The following LRP1B variants were observed in gnomAD, a reference collection of about 807,000 sequenced individuals.
The protein encoded by LRP1B is low-density lipoprotein receptor-related protein 1B.
LRP1B carries 217 observed loss-of-function variants against 556.6 expected under a neutral mutation model. The ratio of observed to expected loss-of-function variants is 0.39; its 90% confidence interval spans 0.35 to 0.44. The LOEUF (loss-of-function observed/expected upper bound fraction) is 0.44, where lower values mean the gene tolerates loss of function less well. LRP1B is among the 20% of genes least tolerant of loss of function. The probability of loss-of-function intolerance (pLI) is 1.00; values close to 1 mark genes in which losing one functional copy is unlikely to be tolerated. For missense variants in LRP1B, 5,053 were observed against 5,620.8 expected (o/e 0.90, Z 3.23); for synonymous variants, 2,047 against 1,865.8 (o/e 1.10, Z -2.50).
rs372331256 is a variant in LRP1B at position 141,383,458 on chromosome 2, C to T, written c.343+96938G>A. Among the ~76,000 whole-genome samples the T allele has an allele frequency of 3.4e-3, 517 of 152,182 alleles. 3 individuals carry two copies. The highest frequency in any genetic ancestry group is 0.015 in the South Asian group (72 of 4,822). Reference sequence around the variant, plus strand: ...CACAATGGCCAGGTTATGGAAATAACGTAATTTTTCATCAATGGTTGAATG... The same window carrying T: ...CACAATGGCCAGGTTATGGAAATAATGTAATTTTTCATCAATGGTTGAATG... On this transcript the variant is annotated intron_variant, in intron 3 of 90. Transcript: ENST00000389484.
intron 1 of LRP1B, among the ~76,000 whole-genome samples, chr2:141,942,505 A>G (rs1480970327): frequency 6.7e-6 from 1 of 150,124 alleles, no homozygotes; most frequent in East Asian, 1.9e-4. Flanking sequence ...AAAACAAAAC[A>G]AAAAAAAAAA....
At chr2:141,832,676 T>G (rs1223832715) in intron 1 of LRP1B, among the ~76,000 whole-genome samples, 2 of 151,794 alleles carry the variant, frequency 1.3e-5, no homozygotes, top group Non-Finnish European at 3.0e-5. Flanking sequence ...ACTTATTGGA[T>G]GTAAATAATA....
chr2:141,039,139 G>A (rs973282455), intron 11 of LRP1B, among the ~76,000 whole-genome samples: 19 of 151,952 alleles, frequency 1.3e-4, no homozygotes, highest in Non-Finnish European at 2.4e-4. Context: ...TGCTTAGCAC[G>A]GGAATCATTC....
chr2:141,302,302 AC>A (rs1686426001), intron 3 of LRP1B, among the ~76,000 whole-genome samples: 1 of 152,138 alleles, frequency 6.6e-6, no homozygotes, highest in Non-Finnish European at 1.5e-5. Flanking sequence ...TGCAACTAGA[AC>A]ATTTGGCCAG....
chr2:140,468,633 GC>G (rs1481345032), intron 60 of LRP1B, among the ~76,000 whole-genome samples: 3 of 152,292 alleles, frequency 2.0e-5, no homozygotes, highest in African/African-American at 7.2e-5. Context: ...ATGGAGGCAG[GC>G]CCCCCTGGAA....
intron 82 of LRP1B, among the ~76,000 whole-genome samples, chr2:140,320,506 G>A (rs1680053910): frequency 6.6e-6 from 1 of 152,058 alleles, no homozygotes; most frequent in Non-Finnish European, 1.5e-5. Context: ...AAATACAACA[G>A]GTAACAAACC....
chr2:140,520,125 TA>T (rs979694771), intron 49 of LRP1B, among the ~76,000 whole-genome samples: 4 of 152,300 alleles, frequency 2.6e-5, no homozygotes, highest in Non-Finnish European at 4.4e-5. Flanking sequence ...CAAAGGATTA[TA>T]AATCATGCTA....
chr2:140,871,284 A>G (rs189469467), intron 25 of LRP1B, among the ~76,000 whole-genome samples: 1 of 152,300 alleles, frequency 6.6e-6, no homozygotes, highest in East Asian at 1.9e-4. Context: ...TAAACAATTT[A>G]GCACACAGAA....
At chr2:141,442,368 A>G (rs1454699820) in intron 3 of LRP1B, among the ~76,000 whole-genome samples, 1 of 151,998 alleles carries the variant, frequency 6.6e-6, no homozygotes, top group East Asian at 1.9e-4. Flanking sequence ...TGTAAAAAAC[A>G]GTGGACAATA....
chr2:140,444,251 T>C, intron 65 of LRP1B, 79 bp downstream of exon 65: 1 of 1,450,762 alleles, frequency 6.9e-7, no homozygotes. Flanking sequence ...CATATGAATT[T>C]ATGAAGTATA....
chr2:141,024,468 G>C (rs1487653578), intron 11 of LRP1B, among the ~76,000 whole-genome samples: 1 of 151,980 alleles, frequency 6.6e-6, no homozygotes, highest in East Asian at 1.9e-4. Context: ...AATGCAAACT[G>C]TCACTCTCAA....
At chr2:140,493,928 T>C (rs1688807766) in intron 56 of LRP1B, among the ~76,000 whole-genome samples, 1 of 152,152 alleles carries the variant, frequency 6.6e-6, no homozygotes, top group African/African-American at 2.4e-5. Context: ...TCAGAATACT[T>C]CTCAACACAG....
At chr2:141,029,208 A>C (rs1014070441) in intron 11 of LRP1B, among the ~76,000 whole-genome samples, 1 of 152,132 alleles carries the variant, frequency 6.6e-6, no homozygotes, top group Non-Finnish European at 1.5e-5. Flanking sequence ...AAACAACTTA[A>C]ATAGCCTTTT....
intron 9 of LRP1B, among the ~76,000 whole-genome samples, chr2:141,055,840 T>C (rs1400774979): frequency 8.7e-6 from 1 of 114,330 alleles, no homozygotes; most frequent in African/African-American, 3.0e-5. Context: ...GTGTGTGTAG[T>C]TGTCAAATGG....
chr2:140,660,481 A>C (rs1685052012), intron 41 of LRP1B, among the ~76,000 whole-genome samples: 1 of 152,152 alleles, frequency 6.6e-6, no homozygotes, highest in Non-Finnish European at 1.5e-5. Context: ...TAAACACAAA[A>C]TTATATTCCA....
chr2:141,680,042 G>C (rs776820426), intron 2 of LRP1B, among the ~76,000 whole-genome samples: 2 of 151,940 alleles, frequency 1.3e-5, no homozygotes, highest in Non-Finnish European at 2.9e-5. Flanking sequence ...TTCTTTGGGA[G>C]AAAAGAGCCT....
intron 45 of LRP1B, among the ~76,000 whole-genome samples, chr2:140,539,994 A>G (rs13415074): frequency 0.47 from 70,820 of 151,998 alleles, 16,851 homozygotes; most frequent in East Asian, 0.58. Flanking sequence ...GTTATTTTGT[A>G]TATGGTATAA....
chr2:140,549,190 G>T (rs559905378), intron 43 of LRP1B, among the ~76,000 whole-genome samples: 1 of 152,094 alleles, frequency 6.6e-6, no homozygotes, highest in East Asian at 1.9e-4. Context: ...GGATTCACTA[G>T]GTCAGGTATT....
chr2:140,313,389 A>C (rs2105032713), intron 83 of LRP1B, among the ~76,000 whole-genome samples: 1 of 151,806 alleles, frequency 6.6e-6, no homozygotes, highest in Non-Finnish European at 1.5e-5. Context: ...TTTGAACAAA[A>C]CATTAAAAGT....
Sources: allele counts gnomAD v4.1 joint callset (sites outside exome capture counted in the v4.1 genomes callset), GRCh38; gene constraint gnomAD v4.1.1; transcripts MANE v1.5; gene names NCBI Gene and HGNC (gene_info 2026-07-23, HGNC 2026-07-21).